The following STS variants were observed in gnomAD, a reference collection of about 807,000 sequenced individuals.
The protein encoded by STS is steroid sulfatase.
A neutral mutation model predicts 26.8 loss-of-function variants in STS; 7 were observed. The ratio of observed to expected loss-of-function variants is 0.26; its 90% CI spans 0.15 to 0.49. The LOEUF (loss-of-function observed/expected upper bound fraction) is 0.49, where lower values mean the gene tolerates loss of function less well. Among genes scored for constraint, STS ranks in the 20% least tolerant of loss-of-function variants. The probability of loss-of-function intolerance (pLI) is 0.98; values close to 1 mark genes in which losing one functional copy is unlikely to be tolerated. For missense variants in STS, 434 were observed against 465.6 expected (o/e 0.93, Z 0.63); for synonymous variants, 199 against 189.4 (o/e 1.05, Z -0.42).
chrX:7,274,356 C>T (rs1429556953), intron 6 of STS, among the ~76,000 whole-genome samples: 1 of 111,366 alleles, frequency 9.0e-6, no homozygotes, highest in Non-Finnish European at 1.9e-5. Flanking sequence ...TCTCTCAGAG[C>T]TCTCACCAAC....
chrX:7,308,919 T>C (rs1400752424), intron 8 of STS, among the ~76,000 whole-genome samples: 1 of 112,033 alleles, frequency 8.9e-6, no homozygotes, highest in Non-Finnish European at 1.9e-5. Flanking sequence ...AGAGAAATCA[T>C]AGGATTTAAC....
chrX:7,287,349 G>A (rs776359283), intron 7 of STS, among the ~76,000 whole-genome samples: 5 of 111,534 alleles, frequency 4.5e-5, no homozygotes, highest in South Asian at 7.6e-4. Flanking sequence ...ATGCAAAACC[G>A]AAGAATATAG....
intron 7 of STS, among the ~76,000 whole-genome samples, chrX:7,297,387 A>G (rs891530727): frequency 9.0e-5 from 10 of 110,923 alleles, no homozygotes; most frequent in Non-Finnish European, 7.6e-5. Context: ...TGACTATACT[A>G]TGAAACCTAT....
At chrX:7,344,859 A>T (rs767509123) in intron 10 of STS, among the ~76,000 whole-genome samples, 5 of 110,720 alleles carry the variant, frequency 4.5e-5, no homozygotes, top group Non-Finnish European at 7.6e-5. Context: ...GGCTTTCCAG[A>T]CCTGGTTTTG....
chrX:7,147,975 G>C lies in STS; in HGVS notation c.-242G>C. The C allele has an allele frequency of 1.3e-6, 1 of 799,907 alleles. No homozygotes were observed. The highest frequency in any genetic ancestry group is 1.8e-6 in the Non-Finnish European group (1 of 557,259). 65.9% of individuals were successfully genotyped at this position (799,907 alleles called of 1,213,427 possible). On this transcript the variant is annotated 5_prime_UTR_variant, in exon 1 of 11. Coordinates refer to ENST00000674429, the MANE Select transcript of STS (RefSeq NM_001320752.2). ...ACCGCCCCGCCGCGGCCCCCAGGCC[G>C]TGACGTACCCCGCGCCGACCGTCCC...
intron 8 of STS, among the ~76,000 whole-genome samples, chrX:7,305,451 A>G (rs1926164567): frequency 8.9e-6 from 1 of 112,452 alleles, no homozygotes; most frequent in Non-Finnish European, 1.9e-5. Flanking sequence ...ACTGATTAAA[A>G]CAAGAATTCC....
chrX:7,251,477 T>C (rs5934769), intron 2 of STS, among the ~76,000 whole-genome samples: 38,519 of 108,724 alleles, frequency 0.35, 5,127 homozygotes, highest in East Asian at 0.4. Context: ...AGTGCAAAAA[T>C]AGATGCAGAG....
chrX:7,245,139 A>G (rs1214634672), intron 2 of STS, among the ~76,000 whole-genome samples: 2 of 111,114 alleles, frequency 1.8e-5, no homozygotes, highest in African/African-American at 6.6e-5. Flanking sequence ...AATTCCTGGT[A>G]TTAGTTATGG....
At chrX:7,266,291 G>A (rs1924004128) in intron 6 of STS, among the ~76,000 whole-genome samples, 1 of 111,887 alleles carries the variant, frequency 8.9e-6, no homozygotes, top group South Asian at 3.7e-4. Flanking sequence ...CTGTGTTACT[G>A]ATATGATTTA....
chrX:7,229,094 G>C (rs758574506), intron 2 of STS, among the ~76,000 whole-genome samples: 1 of 112,146 alleles, frequency 8.9e-6, no homozygotes, highest in Non-Finnish European at 1.9e-5. Context: ...TCTAACATTT[G>C]CATACCTCCT....
chrX:7,324,620 G>C (rs1383700074), intron 8 of STS, among the ~76,000 whole-genome samples: 5 of 111,194 alleles, frequency 4.5e-5, no homozygotes, highest in Non-Finnish European at 7.5e-5. Context: ...TCAGTCTTAA[G>C]GTCTGTGTTT....
At position 7,350,509 on chromosome X, in the gene STS, A is replaced by T; in HGVS notation, c.*248A>T. ...ATGCCTTCTGTGGCCAGAGTCTTGGACTCATGGAAATAGAATGAATAGAGG... is the reference window on the plus strand; with the variant it reads ...ATGCCTTCTGTGGCCAGAGTCTTGGTCTCATGGAAATAGAATGAATAGAGG... On this transcript the variant is annotated 3_prime_UTR_variant, in exon 11 of 11. Transcript: ENST00000674429. 2.4e-6 allele frequency: 1 copy of T among 410,870 alleles called. No homozygotes were observed. Among genetic ancestry groups the T allele is most frequent in the Non-Finnish European group, 4.2e-6 (1 of 238,706 alleles). 33.9% of individuals were successfully genotyped at this position (410,870 alleles called of 1,213,427 possible). A position where few individuals can be genotyped will look rare whatever the true frequency, so the allele number is the denominator to read the frequency against.
chrX:7,214,985 T>G (rs1423312862), intron 2 of STS, among the ~76,000 whole-genome samples: 3 of 77,317 alleles, frequency 3.9e-5, no homozygotes, highest in African/African-American at 1.5e-4. Flanking sequence ...TATATACATA[T>G]ATATACGTAT....
At chrX:7,257,639 G>C in intron 5 of STS, 51 bp downstream of exon 5, 2 of 1,201,506 alleles carry the variant, frequency 1.7e-6, no homozygotes, top group Non-Finnish European at 2.3e-6. Context: ...GAATGGGAGG[G>C]AGGACTTGGA....
chrX:7,320,957 TAC>T (rs1926999758), intron 8 of STS, among the ~76,000 whole-genome samples: 1 of 111,744 alleles, frequency 8.9e-6, no homozygotes, highest in African/African-American at 3.3e-5. Context: ...CTGAGGAGAC[TAC>T]AGTCTTCAGC....
chrX:7,328,576 C>T (rs1927595445), intron 9 of STS, among the ~76,000 whole-genome samples: 1 of 84,375 alleles, frequency 1.2e-5, no homozygotes, highest in Non-Finnish European at 2.2e-5. Context: ...TTTTTTTGAG[C>T]AGAGTCTTGC....
rs146733896 is a variant in STS, at chrX:7,191,226, G to A, written c.-5+218G>A. The stretch of plus-strand genomic sequence containing the variant: ...ATCAAAAGGTCAAAGGGGAGCATCT[G>A]TGGGGCAAATATATTTTTATAGAGA... On this transcript the variant is annotated intron_variant, in intron 2 of 10. Coordinates refer to ENST00000674429, the MANE Select transcript of STS (RefSeq NM_001320752.2). 2.6e-3 allele frequency among the ~76,000 whole-genome samples: 293 copies of A among 112,176 alleles called. 4 individuals carry two copies. In the Middle Eastern group the frequency reaches 0.041, roughly 16 times the overall value.
intron 1 of STS, among the ~76,000 whole-genome samples, chrX:7,162,278 A>C (rs970534225): frequency 2.7e-5 from 3 of 112,018 alleles, no homozygotes; most frequent in Non-Finnish European, 5.6e-5. Context: ...GATGAAGCAG[A>C]AGTCCAGTCT....
At chrX:7,347,495 G>C (rs767179181) in intron 10 of STS, among the ~76,000 whole-genome samples, 69 of 111,985 alleles carry the variant, frequency 6.2e-4, no homozygotes, top group Non-Finnish European at 9.8e-4. Flanking sequence ...AGGCCGGGGT[G>C]CCTGCATCTC....
Sources: allele counts gnomAD v4.1 joint callset (sites outside exome capture counted in the v4.1 genomes callset), GRCh38; gene constraint gnomAD v4.1.1; transcripts MANE v1.5; gene names NCBI Gene and HGNC (gene_info 2026-07-23, HGNC 2026-07-21).